PTPRT: variants seen among roughly 807,000 people sequenced by gnomAD.
PTPRT encodes receptor-type tyrosine-protein phosphatase T.
PTPRT carries 56 observed loss-of-function variants against 176.8 expected under a neutral mutation model. The ratio of observed to expected loss-of-function variants is 0.32; its 90% confidence interval spans 0.26 to 0.40. The LOEUF (loss-of-function observed/expected upper bound fraction) is 0.40. Among genes scored for constraint, PTPRT ranks in the 10% least tolerant of loss-of-function variants. The pLI, the probability that PTPRT is intolerant of heterozygous loss-of-function variation, is 1.00. For missense variants in PTPRT, 1,540 were observed against 1,908.2 expected (o/e 0.81, Z 3.60); for synonymous variants, 783 against 739.0 (o/e 1.06, Z -0.96).
At chr20:42,630,709 C>T (rs1347915227) in intron 7 of PTPRT, among the ~76,000 whole-genome samples, 2 of 152,146 alleles carry the variant, frequency 1.3e-5, no homozygotes, top group Admixed American at 1.3e-4. Context: ...GGGAAAGAAA[C>T]AGAAATATTT....
intron 1 of PTPRT, among the ~76,000 whole-genome samples, chr20:43,012,418 G>A (rs1298828391): frequency 6.6e-6 from 1 of 152,170 alleles, no homozygotes; most frequent in Non-Finnish European, 1.5e-5. Context: ...GTTACTAGAG[G>A]CTGAGGGGAG....
chr20:43,116,093 C>T (rs2013048249), intron 1 of PTPRT, among the ~76,000 whole-genome samples: 1 of 152,196 alleles, frequency 6.6e-6, no homozygotes. Context: ...GCCTCATTAG[C>T]ACCACATACG....
At chr20:42,633,433 C>A (rs1322540111) in intron 7 of PTPRT, among the ~76,000 whole-genome samples, 1 of 151,936 alleles carries the variant, frequency 6.6e-6, no homozygotes, top group Non-Finnish European at 1.5e-5. Context: ...GATAGCATAG[C>A]AGTGTCCATT....
At chr20:42,535,696 T>C (rs1029092658) in intron 7 of PTPRT, among the ~76,000 whole-genome samples, 4 of 152,150 alleles carry the variant, frequency 2.6e-5, no homozygotes, top group African/African-American at 9.7e-5. Context: ...GAGTGAATGG[T>C]TGATGGGACC....
At chr20:42,399,692 G>A (rs1211715981) in intron 9 of PTPRT, among the ~76,000 whole-genome samples, 1 of 152,166 alleles carries the variant, frequency 6.6e-6, no homozygotes. Context: ...AGGAATACTG[G>A]AGAGAGGCTC....
the PTPRT span, among the ~76,000 whole-genome samples, chr20:42,041,498 G>T: frequency 6.6e-6 from 1 of 152,064 alleles, no homozygotes; most frequent in Non-Finnish European, 1.5e-5. Context: ...CTCTTGTCTA[G>T]ACATCCAGGA....
intron 19 of PTPRT, among the ~76,000 whole-genome samples, chr20:42,125,134 A>G (rs1327404610): frequency 6.6e-6 from 1 of 152,032 alleles, no homozygotes; most frequent in Non-Finnish European, 1.5e-5. Flanking sequence ...AGGACTCCCT[A>G]CTATTGTTAG....
intron 7 of PTPRT, among the ~76,000 whole-genome samples, chr20:42,540,823 T>C (rs774893054): frequency 1.3e-5 from 2 of 152,150 alleles, no homozygotes; most frequent in Admixed American, 6.5e-5. Context: ...ACATTGAATG[T>C]TGATCTAGCC....
intron 16 of PTPRT, among the ~76,000 whole-genome samples, chr20:42,167,887 G>GT (rs1989896290): frequency 6.6e-6 from 1 of 152,178 alleles, no homozygotes; most frequent in Admixed American, 6.6e-5. Context: ...CCTCTGTGGA[G>GT]TTGAAAATCC....
intron 7 of PTPRT, among the ~76,000 whole-genome samples, chr20:42,591,248 T>C (rs1162767275): frequency 1.3e-5 from 2 of 151,928 alleles, no homozygotes; most frequent in Non-Finnish European, 2.9e-5. Flanking sequence ...AATTGTGTAA[T>C]GCCAAAAGAA....
At chr20:42,740,631 A>G (rs564268094) in intron 6 of PTPRT, among the ~76,000 whole-genome samples, 3 of 152,350 alleles carry the variant, frequency 2.0e-5, no homozygotes, top group South Asian at 4.1e-4. Flanking sequence ...TGCAAAAGAA[A>G]GGCAGGGAAA....
chr20:42,521,012 T>G (rs1463430873), intron 7 of PTPRT, among the ~76,000 whole-genome samples: 3 of 151,874 alleles, frequency 2.0e-5, no homozygotes, highest in African/African-American at 7.3e-5. Context: ...ATCTATCATC[T>G]ACCTATCTAA....
At chr20:42,106,680 T>G in intron 24 of PTPRT, 106 bp downstream of exon 24, 1 of 1,431,080 alleles carries the variant, frequency 7.0e-7, no homozygotes, top group South Asian at 1.4e-5. Context: ...CACACCCAGG[T>G]CCTTTCCATA....
intron 18 of PTPRT, among the ~76,000 whole-genome samples, chr20:42,129,807 A>G (rs547738766): frequency 2.0e-5 from 3 of 152,334 alleles, no homozygotes; most frequent in South Asian, 2.1e-4. Context: ...GCAGTTTACA[A>G]GGCACATTTA....
intron 1 of PTPRT, among the ~76,000 whole-genome samples, chr20:42,947,539 A>C (rs1041114379): frequency 6.6e-6 from 1 of 152,244 alleles, no homozygotes; most frequent in Non-Finnish European, 1.5e-5. Flanking sequence ...CTGGGGGACC[A>C]GACCAAACAA....
At chr20:42,862,209 A>G (rs1292213054) in intron 2 of PTPRT, among the ~76,000 whole-genome samples, 1 of 152,172 alleles carries the variant, frequency 6.6e-6, no homozygotes, top group East Asian at 1.9e-4. Context: ...AGGCCACTGT[A>G]TTGAACCACT....
chr20:42,326,574 C>T (rs1236754392), intron 11 of PTPRT, among the ~76,000 whole-genome samples: 1 of 152,066 alleles, frequency 6.6e-6, no homozygotes, highest in Non-Finnish European at 1.5e-5. Flanking sequence ...AGAATAGAGT[C>T]CTTTAAAAAT....
chr20:42,478,521 C>A (rs2071329697), intron 7 of PTPRT, among the ~76,000 whole-genome samples: 1 of 152,126 alleles, frequency 6.6e-6, no homozygotes, highest in African/African-American at 2.4e-5. Context: ...GAGTCATTTT[C>A]CACTTCTCAC....
chr20:42,981,861 C>T (rs1308670382), intron 1 of PTPRT, among the ~76,000 whole-genome samples: 1 of 152,168 alleles, frequency 6.6e-6, no homozygotes, highest in South Asian at 2.1e-4. Flanking sequence ...TAATGGATGG[C>T]TTTGGGTGTT....
Sources: gnomAD v4.1 joint callset for allele counts (sites outside exome capture counted in the v4.1 genomes callset) on GRCh38, gnomAD v4.1.1 for gene constraint, MANE v1.5 for transcripts, NCBI Gene and HGNC (gene_info 2026-07-23, HGNC 2026-07-21) for gene names.